The following OFD1 variants were observed in gnomAD, a reference collection of about 807,000 sequenced individuals.
OFD1 encodes OFD1 centriole and centriolar satellite protein, also known as centriole and centriolar satellite protein OFD1.
A neutral mutation model predicts 81.4 loss-of-function variants in OFD1; 12 were observed. The ratio of observed to expected loss-of-function variants is 0.15; its 90% CI spans 0.09 to 0.24. OFD1 has a LOEUF of 0.24. Among genes scored for constraint, OFD1 ranks in the 10% least tolerant of loss-of-function variants. The probability of loss-of-function intolerance (pLI) is 1.00; values close to 1 mark genes in which losing one functional copy is unlikely to be tolerated. For missense variants in OFD1, 685 were observed against 733.9 expected, an observed-to-expected ratio of 0.93 and a Z score of 0.77; for synonymous variants, 256 against 263.7, an observed-to-expected ratio of 0.97 and a Z score of 0.28.
At chrX:13,752,955 C>T (rs2047560218) in intron 10 of OFD1, 2 of 900,439 alleles carry the variant, frequency 2.2e-6, no homozygotes, top group South Asian at 5.0e-5. Flanking sequence ...AAAGTTCTTA[C>T]CTTGGTTGGG....
rs1205618089 is a variant in OFD1, at chrX:13,758,368, T to A, written c.1574T>A (p.Ile525Asn). ...IEHSAQLKAQILGYKASVKSL... is the reference protein window; with the variant it reads ...IEHSAQLKAQNLGYKASVKSL... ...CATTCTGCACAGCTGAAGGCCCAGA[T>A]TCTAGGTTACAAAGCTTCTGTAAAG... Residue 525 changes from isoleucine to asparagine, a missense_variant, in exon 15 of 23, where the codon ATT becomes AAT. This residue lies in a region of OFD1 where 414 missense variants were observed against 447.2 expected (regional missense o/e 0.93). Transcript: ENST00000340096. The A allele has an allele frequency of 8.3e-7, 1 of 1,207,278 alleles. No homozygotes were observed. Among genetic ancestry groups the A allele is most frequent in the Non-Finnish European group, 1.1e-6 (1 of 891,692 alleles).
chrX:13,717,718 G>A, the OFD1 span, among the ~76,000 whole-genome samples: 5 of 111,397 alleles, frequency 4.5e-5, no homozygotes, highest in Non-Finnish European at 9.4e-5. Context: ...CAGCCTGGGG[G>A]ACAAGAGCAA....
Position 13,760,310 on chromosome X carries a change from A to G in OFD1, c.1850A>G (p.Glu617Gly), listed in dbSNP as rs1246980178. ...ACAAATTATCCAACTGCATGGGTGG[A>G]GGGTAGTTCCCCTGATTCTGACCTT... is the stretch of plus-strand genomic sequence containing the variant. The part of the protein sequence containing the change: ...RITNYPTAWV[E>G]GSSPDSDLEF... Residue 617 changes from glutamate to glycine, a missense_variant, in exon 16 of 23, where the codon GAG becomes GGG. Glu to Gly is a moderately conservative substitution (Grantham distance 98). This residue lies in a region of OFD1 where 414 missense variants were observed against 447.2 expected (regional missense o/e 0.93). Coordinates refer to ENST00000340096, the MANE Select transcript of OFD1 (RefSeq NM_003611.3). The G allele has an allele frequency of 8.3e-7, 1 of 1,209,924 alleles. No individual in the cohort carries two copies. Among genetic ancestry groups the G allele is most frequent in the African/African-American group, 1.7e-5 (1 of 57,150 alleles).
intron 8 of OFD1, 56 bp from the exon 9 acceptor site, chrX:13,749,353 GAAGCAGTATATTCATTCA>G: frequency 1.7e-6 from 1 of 599,940 alleles, no homozygotes; most frequent in Non-Finnish European, 2.9e-6. Flanking sequence ...TGGAATGTAG[GAAGCAGTATATTCATTCA>G]AATCTGTTTT....
Position 13,746,470 on chromosome X carries a change from G to C in OFD1, c.654+15G>C. The C allele has an allele frequency of 8.3e-7, 1 of 1,206,333 alleles. No homozygotes were observed. The highest frequency in any genetic ancestry group is 1.1e-6 in the Non-Finnish European group (1 of 890,553). ...TGTGTCAAAAGGTAAGCTTTATCTT[G>C]TTACTGTAAACAAGAGTGATGTTTT... On this transcript the variant is annotated intron_variant, in intron 7 of 22. Coordinates refer to ENST00000340096, the MANE Select transcript of OFD1 (RefSeq NM_003611.3).
At chrX:13,760,938 A>G (rs1215663677) in intron 16 of OFD1, 147 bp from the exon 17 acceptor site, 6 of 829,185 alleles carry the variant, frequency 7.2e-6, no homozygotes, top group African/African-American at 4.0e-5. Context: ...TGCTTGAATC[A>G]TTAGTTTTCT....
Position 13,769,089 on chromosome X carries a change from A to T in OFD1, c.3020A>T (p.Glu1007Val). The T allele has an allele frequency of 1.7e-6, 2 of 1,197,744 alleles. No individual in the cohort carries two copies. Among genetic ancestry groups the T allele is most frequent in the South Asian group, 1.8e-5 (1 of 56,588 alleles). The change falls in exon 23 of 23, where the codon GAA becomes GTA. Residue 1007 changes from glutamate to valine, a missense_variant. Physicochemically the swap from Glu to Val is moderately radical, Grantham distance 121. Around this residue, in one of 3 missense-constraint regions of OFD1, gnomAD observed 259 missense variants for 254.4 expected, o/e 1.02. Transcript: ENST00000340096. ...VESLTGFSHEELDDSW is the reference protein window; with the variant it reads ...VESLTGFSHEVLDDSW ...AGTTTAACAGGCTTTTCTCATGAAGAACTAGACGACTCTTGGTAACCATGT... is the reference window on the plus strand; with the variant it reads ...AGTTTAACAGGCTTTTCTCATGAAGTACTAGACGACTCTTGGTAACCATGT...
intron 2 of OFD1, among the ~76,000 whole-genome samples, chrX:13,735,917 G>A (rs1027397178): frequency 1.8e-5 from 2 of 111,841 alleles, no homozygotes; most frequent in Admixed American, 9.5e-5. Context: ...CATATTTTAC[G>A]TTTAAAATAT....
upstream of OFD1, among the ~76,000 whole-genome samples, chrX:13,730,583 T>C (rs978634001): frequency 5.4e-5 from 6 of 111,583 alleles, no homozygotes; most frequent in African/African-American, 9.8e-5. Context: ...ACCCAAAGGA[T>C]TACAAATCAT....
chrX:13,734,973 A>G lies in OFD1; in HGVS notation c.-99A>G. 3 of 1,152,725 alleles carry G rather than the reference A, an allele frequency of 2.6e-6. No individual in the cohort carries two copies. Among genetic ancestry groups the G allele is most frequent in the South Asian group, 1.9e-5 (1 of 52,577 alleles). The allele number at this position is 1,152,725 out of a possible 1,213,427, so 95.0% of individuals were successfully genotyped here. On this transcript the variant is annotated 5_prime_UTR_variant, in exon 1 of 23. Transcript: ENST00000340096. The stretch of plus-strand genomic sequence containing the variant: ...GGGACAGAGGCAGGGTTCTGAGGGC[A>G]GGGATTCCCCCTCGTCTTGGCCCCA...
At chrX:13,754,125 G>A (rs952967213) in intron 11 of OFD1, among the ~76,000 whole-genome samples, 3 of 110,673 alleles carry the variant, frequency 2.7e-5, no homozygotes, top group Non-Finnish European at 5.7e-5. Context: ...GGGACTACAG[G>A]CACCCACCAA....
chrX:13,767,165 G>C lies in OFD1; in HGVS notation c.2638G>C (p.Glu880Gln). 1 of 1,209,690 alleles carries C rather than the reference G, an allele frequency of 8.3e-7. No homozygotes were observed. Among genetic ancestry groups the C allele is most frequent in the Non-Finnish European group, 1.1e-6 (1 of 893,936 alleles). ...QKQIEEQKEE[E>Q]KIREQQVKER... ...ACAAATTGAAGAACAAAAGGAAGAA[G>C]AAAAAATACGGGAACAGCAAGTGAA... The change falls in exon 20 of 23, where the codon GAA (glutamate) becomes CAA (glutamine). Residue 880 changes from glutamate to glutamine, a missense_variant. Transcript: ENST00000340096.
chrX:13,768,697 C>T (rs897558325), intron 21 of OFD1, 21 bp from the exon 22 acceptor site: 1 of 1,184,250 alleles, frequency 8.4e-7, no homozygotes, highest in African/African-American at 1.8e-5. Flanking sequence ...TCAAAATTTT[C>T]CACCCTCTCC....
chrX:13,717,034 TAAAAAAA>T, the OFD1 span, among the ~76,000 whole-genome samples: 1 of 37,936 alleles, frequency 2.6e-5, no homozygotes, highest in African/African-American at 1.1e-4. Context: ...GATACTATGT[TAAAAAAA>T]AAAAAAAAAA....
Position 13,734,753 on chromosome X carries a change from C to T in OFD1, c.-319C>T, listed in dbSNP as rs1293569979. 1 of 1,043,301 alleles carries T rather than the reference C, an allele frequency of 9.6e-7. No homozygotes were observed. The highest frequency in any genetic ancestry group is 1.2e-6 in the Non-Finnish European group (1 of 817,494). 86.0% of individuals were successfully genotyped at this position (1,043,301 alleles called of 1,213,427 possible). The stretch of plus-strand genomic sequence containing the variant: ...AGGTTTCCGGAAGTTGCCGGACTGG[C>T]TGTGAGGCGGTCCTGCCTCGCTGCC... On this transcript the variant is annotated 5_prime_UTR_variant, in exon 1 of 23. Transcript: ENST00000340096.
the OFD1 span, chrX:13,720,301 T>C: frequency 7.4e-6 from 1 of 135,977 alleles, no homozygotes; most frequent in African/African-American, 3.2e-5. Context: ...AAGTGTCTGG[T>C]AGAGTAAGCT....
In OFD1 at chrX:13,739,519, G is replaced by A. The variant is rs929333605; in HGVS notation, c.412+487G>A. On this transcript the variant is annotated intron_variant, in intron 5 of 22. Transcript: ENST00000340096. ...CCAGCACTTTGGGAGGCTGAGGCGG[G>A]TGGATCACCTGAGGTCGGGAGTTCG... is the stretch of plus-strand genomic sequence containing the variant. 3.6e-4 allele frequency among the ~76,000 whole-genome samples: 40 copies of A among 111,836 alleles called. 3 individuals carry two copies. Among genetic ancestry groups the A allele is most frequent in the Admixed American group, 3.0e-3 (32 of 10,550 alleles).
rs759069572 is a variant in OFD1, at chrX:13,760,737, A to C, written c.2260+17A>C. The C allele has an allele frequency of 8.3e-7, 1 of 1,208,311 alleles. No homozygotes were observed. Among genetic ancestry groups the C allele is most frequent in the Non-Finnish European group, 1.1e-6 (1 of 894,250 alleles). ...ATCTGGAAGGTAAGCCACCCGCACAAAGGGTTGCGGGGTGCTCTGGAGTTG... is the reference window on the plus strand; with the variant it reads ...ATCTGGAAGGTAAGCCACCCGCACACAGGGTTGCGGGGTGCTCTGGAGTTG... On this transcript the variant is annotated intron_variant, in intron 16 of 22. Transcript: ENST00000340096.
chrX:13,751,372 AT>A lies in OFD1; in HGVS notation c.1055+6del. Reference sequence around the variant, plus strand: ...AGCTCAAGAATGAACTTCTAAAGTAATTGTTTAGCATTTTTAAATAACTAAT... The same window carrying A: ...AGCTCAAGAATGAACTTCTAAAGTAATGTTTAGCATTTTTAAATAACTAAT... On this transcript the variant is annotated splice_donor_5th_base_variant and intron_variant, in intron 10 of 22. Transcript: ENST00000340096. The A allele has an allele frequency of 8.4e-7, 1 of 1,185,116 alleles. No homozygotes were observed. Among genetic ancestry groups the A allele is most frequent in the Non-Finnish European group, 1.1e-6 (1 of 873,939 alleles).
Sources: gnomAD v4.1 joint callset for allele counts (sites outside exome capture counted in the v4.1 genomes callset) on GRCh38, gnomAD v4.1.1 for gene constraint, gnomAD v4.1.1 regional missense constraint, MANE v1.5 for transcripts, NCBI Gene and HGNC (gene_info 2026-07-23, HGNC 2026-07-21) for gene names.